Variants in NEB observed in about 807,000 individuals in gnomAD.
The protein encoded by NEB is nebulin.
In NEB, 512 loss-of-function variants were observed where a neutral mutation model predicts 952.2. The ratio of observed to expected loss-of-function variants is 0.54; its 90% CI spans 0.50 to 0.58. NEB has a LOEUF of 0.58. NEB is among the 20% of genes least tolerant of loss of function. The pLI, the probability that NEB is intolerant of heterozygous loss-of-function variation, is 0.00. For synonymous variants in NEB, 2,900 were observed against 3,149.8 expected (o/e 0.92, Z 2.66); for missense variants, 8,428 against 9,231.1 (o/e 0.91, Z 3.56).
At chr2:151,618,619 T>C (rs75300348) in intron 73 of NEB, 141 bp from the exon 74 acceptor site, 21,536 of 852,522 alleles carry the variant, frequency 0.025, 383 homozygotes, top group Non-Finnish European at 0.028. Context: ...CTCACGCACA[T>C]TATTGAATCC....
Position 151,524,560 on chromosome 2 carries a change from T to C in NEB, c.22329A>G (p.Arg7443=), listed in dbSNP as rs1426162103. Residue 7443 remains arginine, a synonymous_variant, in exon 152 of 182, where the codon CGA becomes CGG. Transcript: ENST00000397345. ...CCTGTGTGGCCTTCTTGATGTCTGG[T>C]CGATCAGCCACTGTGGTGTAATGCA... is the stretch of plus-strand genomic sequence containing the variant. ...ENLHYTTVAD[R]PDIKKATQAA... is the part of the protein sequence containing the mutation. The C allele has an allele frequency of 5.6e-6, 9 of 1,612,598 alleles. No individual in the cohort carries two copies. The highest frequency in any genetic ancestry group is 1.7e-5 in the Admixed American group (1 of 59,878).
intron 162 of NEB, 61 bp downstream of exon 162, chr2:151,507,944 G>A (rs568557026): frequency 8.5e-7 from 1 of 1,182,914 alleles, no homozygotes; most frequent in Non-Finnish European, 1.2e-6. Flanking sequence ...ATATCCAGAG[G>A]CATCTTCCTC....
At chr2:151,724,766 G>A (rs1359984237) in intron 7 of NEB, 91 bp downstream of exon 7, 2 of 1,027,410 alleles carry the variant, frequency 1.9e-6, no homozygotes, top group Non-Finnish European at 2.9e-6. Context: ...CTGGTGGGCA[G>A]GATCAGGCCT....
At chr2:151,505,720 T>C in intron 164 of NEB, 150 bp from the exon 165 acceptor site, 1 of 665,216 alleles carries the variant, frequency 1.5e-6, no homozygotes, top group Non-Finnish European at 2.7e-6. Flanking sequence ...TGGGACCTCA[T>C]TCTGATACTG....
intron 137 of NEB, 72 bp downstream of exon 137, chr2:151,540,625 G>T: frequency 7.4e-7 from 1 of 1,342,390 alleles, no homozygotes; most frequent in Non-Finnish European, 1.1e-6. Context: ...TCTGATCAGA[G>T]GTAGCAGGGG....
At chr2:151,678,708 C>A (rs2099392110) in intron 32 of NEB, among the ~76,000 whole-genome samples, 1 of 151,954 alleles carries the variant, frequency 6.6e-6, no homozygotes, top group Non-Finnish European at 1.5e-5. Flanking sequence ...CTCTGGATAA[C>A]AAAGTGAGGG....
At chr2:151,570,663 C>T (rs891728119) in intron 107 of NEB, 62 bp from the exon 108 acceptor site, 13 of 1,447,158 alleles carry the variant, frequency 9.0e-6, no homozygotes, top group Middle Eastern at 1.7e-4. Context: ...TTCAATGGCT[C>T]AGGTGGAATT....
chr2:151,543,510 A>G (rs1404554025), intron 135 of NEB, among the ~76,000 whole-genome samples: 1 of 152,232 alleles, frequency 6.6e-6, no homozygotes. Flanking sequence ...AGGAGCTCAA[A>G]TCATCATTTA....
intron 40 of NEB, 109 bp downstream of exon 40, chr2:151,667,694 AT>A (rs1016935164): frequency 0.042 from 23,830 of 565,250 alleles, no homozygotes; most frequent in South Asian, 0.057. Flanking sequence ...CATCTGGCTA[AT>A]TTTTTTTTTT....
rs764056031 is a variant in NEB, at chr2:151,576,232, A to G, written c.16827T>C (p.Pro5609=). The G allele has an allele frequency of 2.5e-6, 4 of 1,611,562 alleles. No individual in the cohort carries two copies. In the East Asian group the frequency reaches 6.7e-5, roughly 27 times the overall value. Residue 5609 remains proline, a synonymous_variant, in exon 106 of 182, where the codon CCT becomes CCC. Coordinates refer to ENST00000397345, the MANE Select transcript of NEB (RefSeq NM_001164508.2). ...NIFCDSVYRT[P]VVNLKYTSIV... ...TGCTTGTGTACTTAAGGTTCACCACAGGCGTCCGATAGACACTGTCACAAA... is the reference window on the plus strand; with the variant it reads ...TGCTTGTGTACTTAAGGTTCACCACGGGCGTCCGATAGACACTGTCACAAA...
At chr2:151,659,276 C>G in intron 46 of NEB, 107 bp from the exon 47 acceptor site, 2 of 623,780 alleles carry the variant, frequency 3.2e-6, no homozygotes, top group South Asian at 5.4e-5. Flanking sequence ...TTTTTATTAG[C>G]TAGGTTTAAA....
At chr2:151,531,302 T>G (rs944324608) in intron 144 of NEB, among the ~76,000 whole-genome samples, 5 of 145,846 alleles carry the variant, frequency 3.4e-5, no homozygotes, top group African/African-American at 5.0e-5. Context: ...CTCTCTTTTT[T>G]TCTTTCTTTT....
intron 123 of NEB, 112 bp downstream of exon 123, chr2:151,560,892 A>T: frequency 1.2e-6 from 1 of 800,150 alleles, no homozygotes; most frequent in Non-Finnish European, 2.0e-6. Flanking sequence ...AGGTCCAGGA[A>T]AAAACCATAG....
rs569568388 is a variant in NEB, at chr2:151,540,882, C to A, written c.20683-81G>T. 58 of 1,197,488 alleles carry A rather than the reference C, an allele frequency of 4.8e-5. No homozygotes were observed. In the South Asian group the frequency reaches 5.6e-4, roughly 12 times the overall value. The allele number at this position is 1,197,488 out of a possible 1,614,324, so 74.2% of individuals were successfully genotyped here. A position where few individuals can be genotyped will look rare whatever the true frequency, so the allele number is the denominator to read the frequency against. ...TTCAGTCCACTTCATTCATTTCTAA[C>A]CATTCAGTGGGAAGGTGGTATCTGC... is the stretch of plus-strand genomic sequence containing the variant. On this transcript the variant is annotated intron_variant, in intron 136 of 181. Transcript: ENST00000397345.
intron 135 of NEB, among the ~76,000 whole-genome samples, chr2:151,544,006 A>G (rs1449925646): frequency 6.6e-6 from 1 of 151,726 alleles, no homozygotes; most frequent in African/African-American, 2.4e-5. Flanking sequence ...CCTGATATTA[A>G]CCCTCCCCCG....
In NEB at chr2:151,682,789, G is replaced by A. The variant is rs552239683; in HGVS notation, c.2836-20C>T. 2 of 1,587,936 alleles carry A rather than the reference G, an allele frequency of 1.3e-6. No individual in the cohort carries two copies. Among genetic ancestry groups the A allele is most frequent in the African/African-American group, 2.7e-5 (2 of 74,404 alleles). ...TTCAACCTAAAACACCAAGAGAAAG[G>A]TTACATTTCTTTGCTGTGTCATCCT... On this transcript the variant is annotated intron_variant, in intron 28 of 181. Coordinates refer to ENST00000397345, the MANE Select transcript of NEB (RefSeq NM_001164508.2).
rs776955893 is a variant in NEB at position 151,496,283 on chromosome 2, A to T, written c.24479T>A (p.Ile8160Asn). ...MERVKHNQEN[I>N]SSVLYKENVG... The stretch of plus-strand genomic sequence containing the variant: ...TCTTTTCTCGCCAAGTACCGAGCTA[A>T]TATTTTCTTGATTGTGTTTGACTCG... The change falls in exon 173 of 182, where the codon ATT becomes AAT. Residue 8160 changes from isoleucine to asparagine, a missense_variant. Ile to Asn is a moderately radical substitution (Grantham distance 149, BLOSUM62 -3). This residue lies in a region of NEB where 3,374 missense variants were observed against 3,651.5 expected (regional missense o/e 0.92). Transcript: ENST00000397345. 1.9e-6 allele frequency: 3 copies of T among 1,607,988 alleles called. No homozygotes were observed. Among genetic ancestry groups the T allele is most frequent in the Non-Finnish European group, 2.6e-6 (3 of 1,175,868 alleles).
At chr2:151,505,777 T>C (rs1458533637) in intron 164 of NEB, among the ~76,000 whole-genome samples, 1 of 152,196 alleles carries the variant, frequency 6.6e-6, no homozygotes. Flanking sequence ...TGTCTCTCTC[T>C]CGTCTCTTTG....
intron 144 of NEB, among the ~76,000 whole-genome samples, 164 bp downstream of exon 144, chr2:151,531,628 T>G (rs533482697): frequency 6.6e-6 from 1 of 152,210 alleles, no homozygotes; most frequent in East Asian, 1.9e-4. Flanking sequence ...CAACAATTCT[T>G]TATTGGGGAG....
Sources: allele counts gnomAD v4.1 joint callset (sites outside exome capture counted in the v4.1 genomes callset), GRCh38; gene constraint gnomAD v4.1.1; regional missense constraint gnomAD v4.1.1; transcripts MANE v1.5; gene names NCBI Gene and HGNC (gene_info 2026-07-23, HGNC 2026-07-21).